Variants in ZNF69 observed in about 807,000 individuals in gnomAD.
ZNF69 encodes the protein zinc finger protein 69, also known as ZNF3.
In ZNF69, 47 loss-of-function variants were observed where a neutral mutation model predicts 50.9. The observed-to-expected ratio is 0.92, with a 90% CI of 0.73 to 1.18. The LOEUF (loss-of-function observed/expected upper bound fraction) is 1.18. ZNF69 is among the 50% of genes most tolerant of loss of function. ZNF69 has a pLI of 0.00. For synonymous variants in ZNF69, 216 were observed against 223.1 expected, an observed-to-expected ratio of 0.97 and a Z score of 0.29; for missense variants, 717 against 675.1, an observed-to-expected ratio of 1.06 and a Z score of -0.69.
the ZNF69 span, chr19:11,965,358 C>T: frequency 2.6e-6 from 3 of 1,134,510 alleles, no homozygotes; most frequent in African/African-American, 3.2e-5. Context: ...CCTCGGTCCC[C>T]TCGGCCGCTG....
chr19:11,899,943 A>G (rs1180547567), intron 1 of ZNF69, among the ~76,000 whole-genome samples: 2 of 151,688 alleles, frequency 1.3e-5, no homozygotes, highest in Non-Finnish European at 2.9e-5. Flanking sequence ...CTGGTGCTTT[A>G]TTTTTGTTTT....
rs1288571814 is a variant in ZNF69, at chr19:11,906,015, G to A, written c.1618G>A (p.Gly540Arg). The change falls in exon 4 of 4, where the codon GGG becomes AGG. Residue 540 changes from glycine (G) to arginine (R), a missense_variant. Coordinates refer to ENST00000429654, the MANE Select transcript of ZNF69 (RefSeq NM_001364730.1). ...GEKPYKCKQC[G>R]KAFRAASVLR... ...GAAACCCTATAAATGCAAGCAATGT[G>A]GGAAAGCCTTCAGAGCTGCCTCAGT... The A allele has an allele frequency of 1.2e-6, 2 of 1,613,982 alleles. No homozygotes were observed. The highest frequency in any genetic ancestry group is 1.7e-6 in the Non-Finnish European group (2 of 1,180,002).
chr19:11,978,223 C>G, the ZNF69 span: 1 of 1,614,062 alleles, frequency 6.2e-7, no homozygotes, highest in Admixed American at 1.7e-5. Flanking sequence ...AAGAAAGCTT[C>G]TCCTGAAGCA....
intron 1 of ZNF69, among the ~76,000 whole-genome samples, chr19:11,895,938 G>C (rs192894034): frequency 3.5e-4 from 54 of 152,212 alleles, no homozygotes; most frequent in African/African-American, 1.2e-3. Flanking sequence ...CAGATGCCCA[G>C]ACTGGGCATG....
intron 1 of ZNF69, among the ~76,000 whole-genome samples, chr19:11,890,149 GCCTC>G (rs1977049741): frequency 6.6e-6 from 1 of 152,124 alleles, no homozygotes; most frequent in Non-Finnish European, 1.5e-5. Flanking sequence ...CTGCAAAGAG[GCCTC>G]CCTCTTTCAC....
At chr19:11,936,123 T>G in the ZNF69 span, among the ~76,000 whole-genome samples, 2 of 152,176 alleles carry the variant, frequency 1.3e-5, no homozygotes, top group Admixed American at 1.3e-4. Flanking sequence ...GACATTTGGG[T>G]TGGTTCCAAG....
At chr19:11,974,134 CTTT>C in the ZNF69 span, among the ~76,000 whole-genome samples, 13 of 98,096 alleles carry the variant, frequency 1.3e-4, no homozygotes, top group African/African-American at 6.9e-4. Context: ...TCTTTTCTTT[CTTT>C]CTTTCTTTCT....
At chr19:11,947,955 A>C in the ZNF69 span, among the ~76,000 whole-genome samples, 62 of 152,366 alleles carry the variant, frequency 4.1e-4, no homozygotes, top group Non-Finnish European at 5.0e-4. Flanking sequence ...GGCTGCAGTA[A>C]GCTATGATGA....
chr19:11,937,433 C>T, the ZNF69 span, among the ~76,000 whole-genome samples: 1 of 151,432 alleles, frequency 6.6e-6, no homozygotes. Flanking sequence ...CTGCCTTGGC[C>T]TCTGGTTTTG....
At chr19:11,923,041 T>A in the ZNF69 span, among the ~76,000 whole-genome samples, 2 of 152,292 alleles carry the variant, frequency 1.3e-5, no homozygotes, top group Admixed American at 1.3e-4. Flanking sequence ...GGTCTTCAAC[T>A]TCGGGCTTCA....
the ZNF69 span, chr19:11,924,949 C>T: frequency 2.4e-6 from 1 of 421,542 alleles, no homozygotes; most frequent in African/African-American, 2.1e-5. Flanking sequence ...CTTAGAGAAG[C>T]TGTGGCTAGA....
the ZNF69 span, among the ~76,000 whole-genome samples, chr19:11,925,602 G>T: frequency 5.3e-5 from 8 of 152,218 alleles, no homozygotes; most frequent in Admixed American, 1.3e-4. Context: ...TCCTGACTCG[G>T]GTGTGGGGTT....
At chr19:11,911,370 A>T (rs565188114), downstream of ZNF69, among the ~76,000 whole-genome samples, 11 of 152,336 alleles carry the variant, frequency 7.2e-5, no homozygotes, top group African/African-American at 2.6e-4. Flanking sequence ...AGACACATGC[A>T]CACGTATGTT....
At chr19:11,917,869 C>A (rs1599270186), downstream of ZNF69, among the ~76,000 whole-genome samples, 1 of 147,964 alleles carries the variant, frequency 6.8e-6, no homozygotes, top group African/African-American at 2.5e-5. Flanking sequence ...CTCACTGCAA[C>A]CTTTGTCTCC....
At chr19:11,978,463 C>A in the ZNF69 span, 1 of 1,614,172 alleles carries the variant, frequency 6.2e-7, no homozygotes, top group African/African-American at 1.3e-5. Flanking sequence ...TGTGGAAAAA[C>A]CTTTATTTCC....
the ZNF69 span, chr19:11,947,246 T>G: frequency 6.2e-7 from 1 of 1,614,120 alleles, no homozygotes; most frequent in Non-Finnish European, 8.5e-7. Context: ...TGCTGGATAT[T>G]TCCCAGAAGA....
the ZNF69 span, among the ~76,000 whole-genome samples, chr19:11,968,181 T>C: frequency 6.6e-6 from 1 of 152,184 alleles, no homozygotes; most frequent in Admixed American, 6.5e-5. Flanking sequence ...CTAACACTTA[T>C]ATAGGCAAAA....
chr19:11,920,060 G>C, the ZNF69 span, among the ~76,000 whole-genome samples: 1 of 151,574 alleles, frequency 6.6e-6, no homozygotes, highest in East Asian at 1.9e-4. Context: ...ACTGGTGATA[G>C]TAGTGATAGC....
the ZNF69 span, among the ~76,000 whole-genome samples, chr19:11,977,900 T>G: frequency 6.6e-6 from 1 of 152,116 alleles, no homozygotes; most frequent in Non-Finnish European, 1.5e-5. Flanking sequence ...TAAAATAGTT[T>G]ACATGGGAAT....
Sources: gnomAD v4.1 joint callset for allele counts (sites outside exome capture counted in the v4.1 genomes callset) on GRCh38, gnomAD v4.1.1 for gene constraint, MANE v1.5 for transcripts, NCBI Gene and HGNC (gene_info 2026-07-23, HGNC 2026-07-21) for gene names.